The following CLIC2 variants were observed in gnomAD, a reference collection of about 807,000 sequenced individuals.
CLIC2 encodes chloride intracellular channel protein 2.
In CLIC2, 9 loss-of-function variants were observed where a neutral mutation model predicts 14.8. That is an observed-to-expected ratio of 0.61 (90% CI 0.37 to 1.06). CLIC2 has a LOEUF of 1.06. CLIC2 is among the 50% of genes least tolerant of loss of function. The pLI, the probability that CLIC2 is intolerant of heterozygous loss-of-function variation, is 0.01. For synonymous variants in CLIC2, 61 were observed against 66.3 expected (o/e 0.92, Z 0.39); for missense variants, 148 against 181.4 (o/e 0.82, Z 1.06).
At chrX:155,292,008 A>G (rs1408120832) in intron 3 of CLIC2, among the ~76,000 whole-genome samples, 1 of 111,961 alleles carries the variant, frequency 8.9e-6, no homozygotes, top group Non-Finnish European at 1.9e-5. Flanking sequence ...ATTGAAGATA[A>G]TTCAAATGAC....
At chrX:155,320,176 A>G (rs1210387832) in intron 1 of CLIC2, among the ~76,000 whole-genome samples, 1 of 112,505 alleles carries the variant, frequency 8.9e-6, no homozygotes, top group Non-Finnish European at 1.9e-5. Context: ...TAAAGAGAGC[A>G]GTGGATCTCC....
chrX:155,321,884 AAG>A (rs1340419544), intron 1 of CLIC2, among the ~76,000 whole-genome samples: 1 of 111,205 alleles, frequency 9.0e-6, no homozygotes, highest in Non-Finnish European at 1.9e-5. Context: ...AGCAAATGGA[AAG>A]AAAAAAAAAG....
At chrX:155,325,561 G>A (rs1557322211) in intron 1 of CLIC2, among the ~76,000 whole-genome samples, 1 of 107,332 alleles carries the variant, frequency 9.3e-6, no homozygotes, top group Non-Finnish European at 1.9e-5. Context: ...TGAACAATGA[G>A]AACACATGGA....
intron 1 of CLIC2, among the ~76,000 whole-genome samples, chrX:155,313,334 A>G (rs1557320798): frequency 1.8e-5 from 2 of 111,511 alleles, no homozygotes; most frequent in African/African-American, 6.5e-5. Flanking sequence ...TAAAAATAGA[A>G]CTACCATTTT....
chrX:155,330,516 G>GA (rs1569561410), intron 1 of CLIC2, among the ~76,000 whole-genome samples: 1 of 111,199 alleles, frequency 9.0e-6, no homozygotes, highest in African/African-American at 3.3e-5. Context: ...TAACTGAAAT[G>GA]AAAAAGAATG....
intron 1 of CLIC2, among the ~76,000 whole-genome samples, chrX:155,330,880 T>G (rs1239786275): frequency 1.8e-5 from 2 of 110,096 alleles, no homozygotes; most frequent in African/African-American, 6.6e-5. Context: ...TAGGAAAGAC[T>G]AGAGAGAGTA....
Position 155,277,759 on chromosome X carries a change from A to G in CLIC2, c.*144T>C. On this transcript the variant is annotated 3_prime_UTR_variant, in exon 6 of 6. Transcript: ENST00000369449. ...TACAGTGGACAGATTATTTATGGCT[A>G]ATAGAAAATACAGAGTTCCTTTTCA... 9.8e-6 allele frequency: 5 copies of G among 509,900 alleles called. No individual in the cohort carries two copies. In the South Asian group the frequency reaches 1.2e-4, roughly 12 times the overall value. 42.0% of individuals were successfully genotyped at this position (509,900 alleles called of 1,213,427 possible). A position where few individuals can be genotyped will look rare whatever the true frequency, so the allele number is the denominator to read the frequency against.
intron 3 of CLIC2, chrX:155,293,046 C>T: frequency 1.6e-6 from 1 of 634,540 alleles, no homozygotes; most frequent in Non-Finnish European, 2.7e-6. Flanking sequence ...TGTACGAGGC[C>T]ACTCTGGATC....
chrX:155,280,579 G>A (rs1193428796), intron 3 of CLIC2, among the ~76,000 whole-genome samples: 2 of 110,929 alleles, frequency 1.8e-5, no homozygotes, highest in Non-Finnish European at 3.8e-5. Flanking sequence ...TGTAGTTCCA[G>A]CTACTTGGGA....
intron 1 of CLIC2, among the ~76,000 whole-genome samples, chrX:155,324,156 A>G (rs1057186350): frequency 1.8e-5 from 2 of 112,691 alleles, no homozygotes; most frequent in South Asian, 7.2e-4. Flanking sequence ...CTTTCTTCAC[A>G]GAATTGGAAT....
chrX:155,284,361 G>C (rs1463038402), intron 3 of CLIC2, among the ~76,000 whole-genome samples: 1 of 107,238 alleles, frequency 9.3e-6, no homozygotes, highest in Non-Finnish European at 1.9e-5. Context: ...CCAGGTTCAA[G>C]CGATTCTCCT....
intron 1 of CLIC2, among the ~76,000 whole-genome samples, chrX:155,329,909 C>A (rs181729425): frequency 9.0e-6 from 1 of 111,291 alleles, no homozygotes; most frequent in East Asian, 2.8e-4. Context: ...AACTGGACGT[C>A]ATATATTACA....
At chrX:155,332,975 C>T (rs2075161864) in intron 1 of CLIC2, among the ~76,000 whole-genome samples, 1 of 112,299 alleles carries the variant, frequency 8.9e-6, no homozygotes, top group African/African-American at 3.2e-5. Context: ...TATATCCTAT[C>T]TGAGCAGTTA....
chrX:155,306,074 T>A (rs1310966145), intron 1 of CLIC2, among the ~76,000 whole-genome samples: 1 of 112,048 alleles, frequency 8.9e-6, no homozygotes, highest in African/African-American at 3.2e-5. Context: ...TAGTTAATAG[T>A]CTTATGCCTT....
chrX:155,333,813 A>G (rs1304392692), intron 1 of CLIC2, among the ~76,000 whole-genome samples: 1 of 109,761 alleles, frequency 9.1e-6, no homozygotes, highest in Non-Finnish European at 1.9e-5. Context: ...CATAACAAGC[A>G]CACAGACTCC....
At chrX:155,278,352 T>G (rs782327962) in intron 5 of CLIC2, among the ~76,000 whole-genome samples, 1 of 112,029 alleles carries the variant, frequency 8.9e-6, no homozygotes, top group South Asian at 3.7e-4. Flanking sequence ...ACGACTAGAC[T>G]AAGAGTTTAT....
In CLIC2 at chrX:155,311,186, C is replaced by A. The variant is rs782209541; in HGVS notation, c.58-12041G>T. On this transcript the variant is annotated intron_variant, in intron 1 of 5. Transcript: ENST00000369449. The stretch of plus-strand genomic sequence containing the variant: ...ATTTCTCCTCAGAAAATGGGATTTT[C>A]TTTTCTATCACACTGTCAGGCTGCA... Among the ~76,000 whole-genome samples, 32 of 112,198 alleles carry A rather than the reference C, an allele frequency of 2.9e-4. No individual in the cohort carries two copies. In the Admixed American group the frequency reaches 3.0e-3, roughly 11 times the overall value.
chrX:155,279,292 C>T lies in CLIC2; in HGVS notation c.439G>A (p.Asp147Asn). 1 of 1,210,035 alleles carries T rather than the reference C, an allele frequency of 8.3e-7. No homozygotes were observed. The highest frequency in any genetic ancestry group is 3.0e-5 in the East Asian group (1 of 33,829). ...KSLLKEFKRL[D>N]DYLNTPLLDE... ...AGAAGTGGGGTGTTTAAGTAGTCAT[C>T]CAGACGCTTGAATTCTTTGAGCAGA... Residue 147 changes from aspartate (D) to asparagine (N), a missense_variant, in exon 5 of 6, where the codon GAT becomes AAT. Physicochemically the swap from Asp to Asn is conservative, Grantham distance 23. Transcript: ENST00000369449.
intron 3 of CLIC2, among the ~76,000 whole-genome samples, chrX:155,285,018 C>A (rs1179016550): frequency 8.9e-6 from 1 of 112,184 alleles, no homozygotes; most frequent in African/African-American, 3.2e-5. Flanking sequence ...GTTTTGCCAG[C>A]CTATTCATTG....
Sources: gnomAD v4.1 joint callset for allele counts (sites outside exome capture counted in the v4.1 genomes callset) on GRCh38, gnomAD v4.1.1 for gene constraint, MANE v1.5 for transcripts, NCBI Gene and HGNC (gene_info 2026-07-23, HGNC 2026-07-21) for gene names.